The following KPNA3 variants were observed in gnomAD, a reference collection of about 807,000 sequenced individuals.
KPNA3 encodes importin subunit alpha-4.
A neutral mutation model predicts 73.8 loss-of-function variants in KPNA3; 13 were observed. The observed-to-expected ratio is 0.18, with a 90% CI of 0.11 to 0.28. KPNA3 has a LOEUF of 0.28. Among genes scored for constraint, KPNA3 ranks in the 10% least tolerant of loss-of-function variants. The pLI, the probability that KPNA3 is intolerant of heterozygous loss-of-function variation, is 1.00. For missense variants in KPNA3, 360 were observed against 618.1 expected (o/e 0.58, Z 4.43); for synonymous variants, 186 against 206.9 (o/e 0.90, Z 0.87).
chr13:49,776,207 C>T (rs1216649836), intron 1 of KPNA3, among the ~76,000 whole-genome samples: 7 of 152,144 alleles, frequency 4.6e-5, no homozygotes, highest in Middle Eastern at 3.2e-3. Context: ...TGAGCTACCA[C>T]GCCAGGCTGT....
Position 49,722,830 on chromosome 13 carries a change from T to A in KPNA3, c.470-267A>T, listed in dbSNP as rs1227946904. On this transcript the variant is annotated intron_variant, in intron 7 of 16. Coordinates refer to ENST00000261667, the MANE Select transcript of KPNA3 (RefSeq NM_002267.4). ...GCATGAAATCCTTCCTATAATCCATTAAAAAAAAAAAAAAAAAAAAAAGAG... is the reference window on the plus strand; with the variant it reads ...GCATGAAATCCTTCCTATAATCCATAAAAAAAAAAAAAAAAAAAAAAAGAG... 1.8e-4 allele frequency among the ~76,000 whole-genome samples: 14 copies of A among 79,624 alleles called. No individual in the cohort carries two copies. The highest frequency in any genetic ancestry group is 7.5e-4 in the East Asian group (2 of 2,662). The allele number at this position is 79,624 out of a possible 152,430, so 52.2% of individuals were successfully genotyped here.
chr13:49,712,778 G>A (rs1242242312), intron 10 of KPNA3, among the ~76,000 whole-genome samples: 2 of 151,598 alleles, frequency 1.3e-5, no homozygotes, highest in African/African-American at 4.8e-5. Flanking sequence ...CAGATAGTAA[G>A]AGAGCATTAA....
chr13:49,792,027 G>T (rs944650115), intron 1 of KPNA3, among the ~76,000 whole-genome samples: 1 of 152,180 alleles, frequency 6.6e-6, no homozygotes, highest in African/African-American at 2.4e-5. Context: ...AGAGGGGGCT[G>T]CACCGGACGG....
At chr13:49,737,353 G>A (rs1462792357) in intron 2 of KPNA3, among the ~76,000 whole-genome samples, 1 of 152,146 alleles carries the variant, frequency 6.6e-6, no homozygotes, top group Non-Finnish European at 1.5e-5. Context: ...ATCTTCGCCA[G>A]CATTTGGTGT....
chr13:49,732,717 C>T, intron 4 of KPNA3, 30 bp downstream of exon 4: 2 of 1,584,440 alleles, frequency 1.3e-6, no homozygotes, highest in Non-Finnish European at 1.7e-6. Flanking sequence ...CAAAATACTT[C>T]AAAACGAGAG....
chr13:49,736,490 C>T (rs1246325951), intron 2 of KPNA3, among the ~76,000 whole-genome samples: 4 of 152,054 alleles, frequency 2.6e-5, no homozygotes, highest in African/African-American at 9.7e-5. Flanking sequence ...CTAACTTAGA[C>T]TTTTTTTGGT....
intron 1 of KPNA3, among the ~76,000 whole-genome samples, chr13:49,748,921 T>C (rs1038931463): frequency 6.6e-6 from 1 of 152,212 alleles, no homozygotes; most frequent in African/African-American, 2.4e-5. Flanking sequence ...GAAGTGTTAT[T>C]TGACAACTCT....
At chr13:49,768,817 A>G (rs746931430) in intron 1 of KPNA3, among the ~76,000 whole-genome samples, 3 of 152,178 alleles carry the variant, frequency 2.0e-5, no homozygotes, top group Admixed American at 6.5e-5. Flanking sequence ...GAATTTGGAC[A>G]GATCTTATAT....
intron 6 of KPNA3, among the ~76,000 whole-genome samples, chr13:49,732,153 A>G (rs1954475932): frequency 6.6e-6 from 1 of 152,240 alleles, no homozygotes; most frequent in Non-Finnish European, 1.5e-5. Context: ...AACAGGAGAT[A>G]AAAATTTCCT....
rs764156352 is a variant in KPNA3, at chr13:49,746,813, C to T, written c.114+136G>A. 133 of 634,124 alleles carry T rather than the reference C, an allele frequency of 2.1e-4. 1 individual carries two copies. In the Middle Eastern group the frequency reaches 2.6e-3, roughly 12 times the overall value. 39.3% of individuals were successfully genotyped at this position (634,124 alleles called of 1,614,324 possible). ...AATGAAAGCTATTATGAATAAGTAC[C>T]ATGATAAAGTATCCAGTGATGTGTG... is the stretch of plus-strand genomic sequence containing the variant. On this transcript the variant is annotated intron_variant, in intron 2 of 16. Coordinates refer to ENST00000261667, the MANE Select transcript of KPNA3 (RefSeq NM_002267.4).
At chr13:49,727,688 T>C (rs1213855097) in intron 6 of KPNA3, among the ~76,000 whole-genome samples, 1 of 152,062 alleles carries the variant, frequency 6.6e-6, no homozygotes, top group Non-Finnish European at 1.5e-5. Context: ...CAAAATAAAC[T>C]CATACTAACT....
At chr13:49,748,061 G>C (rs912766109) in intron 1 of KPNA3, among the ~76,000 whole-genome samples, 1 of 152,154 alleles carries the variant, frequency 6.6e-6, no homozygotes, top group African/African-American at 2.4e-5. Context: ...GGACAAGGTA[G>C]TAAATAATGC....
intron 6 of KPNA3, among the ~76,000 whole-genome samples, chr13:49,730,663 C>T (rs1235140717): frequency 6.7e-6 from 1 of 149,372 alleles, no homozygotes; most frequent in Non-Finnish European, 1.5e-5. Context: ...TACATGTGCA[C>T]AATGTGCAGG....
At chr13:49,788,153 C>T (rs1327403406) in intron 1 of KPNA3, among the ~76,000 whole-genome samples, 1 of 152,098 alleles carries the variant, frequency 6.6e-6, no homozygotes, top group Non-Finnish European at 1.5e-5. Flanking sequence ...AATAGATAAT[C>T]TATATAAAGT....
intron 10 of KPNA3, among the ~76,000 whole-genome samples, chr13:49,712,619 A>G (rs769274028): frequency 3.2e-4 from 49 of 152,272 alleles, no homozygotes; most frequent in Non-Finnish European, 6.2e-4. Flanking sequence ...ATATGAAGAA[A>G]TATGTTCCAA....
chr13:49,770,050 A>G (rs1162716169), intron 1 of KPNA3, among the ~76,000 whole-genome samples: 3 of 152,142 alleles, frequency 2.0e-5, no homozygotes, highest in Admixed American at 6.6e-5. Context: ...GAACTGTCCA[A>G]GTCCTTGCCC....
intron 1 of KPNA3, among the ~76,000 whole-genome samples, chr13:49,784,589 A>G (rs369523967): frequency 5.3e-4 from 81 of 152,376 alleles, no homozygotes; most frequent in African/African-American, 1.9e-3. Flanking sequence ...ACTTAGCCAT[A>G]CAAATTAGCC....
chr13:49,748,181 G>A (rs1954634364), intron 1 of KPNA3, among the ~76,000 whole-genome samples: 3 of 152,074 alleles, frequency 2.0e-5, no homozygotes, highest in Admixed American at 2.0e-4. Flanking sequence ...AGCCAGGGAT[G>A]GTTTCTGATG....
intron 1 of KPNA3, among the ~76,000 whole-genome samples, chr13:49,783,488 T>C: frequency 6.6e-6 from 1 of 152,054 alleles, no homozygotes; most frequent in East Asian, 1.9e-4. Flanking sequence ...GATACTAAAA[T>C]CTGCAGATGC....
Sources: allele counts gnomAD v4.1 joint callset (sites outside exome capture counted in the v4.1 genomes callset), GRCh38; gene constraint gnomAD v4.1.1; transcripts MANE v1.5; gene names NCBI Gene and HGNC (gene_info 2026-07-23, HGNC 2026-07-21).